Variants in PHLPP1 observed in about 807,000 individuals in gnomAD.
PHLPP1 encodes PH domain and leucine rich repeat protein phosphatase 1, also known as PH domain leucine-rich repeat-containing protein phosphatase 1.
PHLPP1 carries 42 observed loss-of-function variants against 117.2 expected under a neutral mutation model. The observed-to-expected ratio is 0.36, with a 90% CI of 0.28 to 0.46. The LOEUF (loss-of-function observed/expected upper bound fraction) is 0.46. PHLPP1 is among the 20% of genes least tolerant of loss of function. The probability of loss-of-function intolerance (pLI) is 1.00; values close to 1 mark genes in which losing one functional copy is unlikely to be tolerated. For missense variants in PHLPP1, 2,084 were observed against 2,241.9 expected (o/e 0.93, Z 1.42); for synonymous variants, 1,042 against 970.7 (o/e 1.07, Z -1.37).
At chr18:62,887,109 A>G (rs1298742490) in intron 4 of PHLPP1, among the ~76,000 whole-genome samples, 1 of 152,182 alleles carries the variant, frequency 6.6e-6, no homozygotes, top group Admixed American at 6.5e-5. Context: ...TGCTTTCCTG[A>G]GGCCATTCTT....
intron 3 of PHLPP1, among the ~76,000 whole-genome samples, chr18:62,852,429 C>T (rs912762019): frequency 3.3e-5 from 5 of 152,030 alleles, no homozygotes; most frequent in South Asian, 2.1e-4. Context: ...CTGCGAGCTC[C>T]GCCTCCTGGG....
intron 1 of PHLPP1, among the ~76,000 whole-genome samples, chr18:62,726,281 A>T (rs1441209829): frequency 5.3e-5 from 8 of 152,010 alleles, no homozygotes; most frequent in Non-Finnish European, 1.2e-4. Context: ...GTTGAACATT[A>T]ATTGGTAACT....
At chr18:62,741,700 A>C (rs112848864) in intron 1 of PHLPP1, among the ~76,000 whole-genome samples, 30 of 150,882 alleles carry the variant, frequency 2.0e-4, no homozygotes, top group African/African-American at 6.8e-4. Context: ...GTGTGCCACG[A>C]GGAAGAAATC....
intron 10 of PHLPP1, among the ~76,000 whole-genome samples, chr18:62,930,489 A>C (rs916029991): frequency 3.9e-5 from 6 of 152,206 alleles, no homozygotes; most frequent in African/African-American, 4.8e-5. Flanking sequence ...TTATATAATA[A>C]AGGGTTCGAT....
At chr18:62,929,854 C>T (rs1334113727) in intron 10 of PHLPP1, among the ~76,000 whole-genome samples, 9 of 152,148 alleles carry the variant, frequency 5.9e-5, no homozygotes, top group South Asian at 4.1e-4. Flanking sequence ...GAGGCTGAGG[C>T]AGGAGCCTCT....
chr18:62,978,346 G>T lies in PHLPP1; in HGVS notation c.4069G>T (p.Val1357Leu). The change falls in exon 17 of 17, where the codon GTG (valine) becomes TTG (leucine). Residue 1357 changes from valine to leucine, a missense_variant. Val to Leu is a conservative substitution (Grantham distance 32, BLOSUM62 1). Transcript: ENST00000262719. This position sits in a 1 kb window ranked among gnomAD's most constrained non-coding sequence, Gnocchi z 7.0. Reference sequence around the variant, plus strand: ...TCCCAGTGTGGTGCCTCGCCCCCACGTGCAGTCCGTGCTCCTGACTCCCCA... The same window carrying T: ...TCCCAGTGTGGTGCCTCGCCCCCACTTGCAGTCCGTGCTCCTGACTCCCCA... ...LHPSVVPRPH[V>L]QSVLLTPQDE... 1 of 1,612,798 alleles carries T rather than the reference G, an allele frequency of 6.2e-7. No homozygotes were observed. The highest frequency in any genetic ancestry group is 2.2e-5 in the East Asian group (1 of 44,848).
chr18:62,883,801 G>A (rs1298576078), intron 4 of PHLPP1, among the ~76,000 whole-genome samples: 1 of 152,132 alleles, frequency 6.6e-6, no homozygotes, highest in Admixed American at 6.6e-5. Context: ...GTTTAAGAGA[G>A]CACCCCATAA....
chr18:62,911,282 A>G, intron 8 of PHLPP1, among the ~76,000 whole-genome samples: 1 of 56,894 alleles, frequency 1.8e-5, no homozygotes, highest in Non-Finnish European at 4.0e-5. Flanking sequence ...AATGGCAACA[A>G]AAGCCAAAAT....
At position 62,815,910 on chromosome 18, in the gene PHLPP1, A is replaced by G. The variant is rs929530375; in HGVS notation, c.1577-14125A>G. Reference sequence around the variant, plus strand: ...ATTTATTTACAGTGTCAGAATTATGACATACCTGTAGTCTAAAACAGACAT... The same window carrying G: ...ATTTATTTACAGTGTCAGAATTATGGCATACCTGTAGTCTAAAACAGACAT... On this transcript the variant is annotated intron_variant, in intron 1 of 16. Coordinates refer to ENST00000262719, the MANE Select transcript of PHLPP1 (RefSeq NM_194449.4). 2.0e-5 allele frequency among the ~76,000 whole-genome samples: 3 copies of G among 152,234 alleles called. No homozygotes were observed. The East Asian group carries it at 5.8e-4, about 29-fold the overall frequency.
chr18:62,823,065 T>C (rs1914513185), intron 1 of PHLPP1, among the ~76,000 whole-genome samples: 1 of 152,232 alleles, frequency 6.6e-6, no homozygotes, highest in Admixed American at 6.5e-5. Context: ...GAATTAGAAC[T>C]ATAAAATTTC....
At chr18:62,757,619 ACT>A (rs796401991) in intron 1 of PHLPP1, among the ~76,000 whole-genome samples, 51 of 152,234 alleles carry the variant, frequency 3.4e-4, no homozygotes, top group African/African-American at 1.2e-3. Context: ...GTAGAGGTAG[ACT>A]CTGTCTATTA....
intron 1 of PHLPP1, among the ~76,000 whole-genome samples, chr18:62,755,245 C>G (rs545273015): frequency 2.0e-5 from 3 of 151,868 alleles, no homozygotes; most frequent in Non-Finnish European, 4.4e-5. Context: ...GTAACTAGCC[C>G]GGACGTCCAA....
chr18:62,746,697 G>C (rs994305048), intron 1 of PHLPP1, among the ~76,000 whole-genome samples: 1 of 149,308 alleles, frequency 6.7e-6, no homozygotes, highest in Admixed American at 6.7e-5. Context: ...TTTTTTTTAA[G>C]TTGTAAACCT....
intron 1 of PHLPP1, among the ~76,000 whole-genome samples, chr18:62,757,761 T>G (rs1341578262): frequency 1.3e-5 from 2 of 152,256 alleles, no homozygotes; most frequent in African/African-American, 4.8e-5. Context: ...GCCACCCTTG[T>G]GCTGTTTTCC....
At chr18:62,799,686 C>A (rs1190122348) in intron 1 of PHLPP1, among the ~76,000 whole-genome samples, 1 of 152,142 alleles carries the variant, frequency 6.6e-6, no homozygotes, top group Non-Finnish European at 1.5e-5. Flanking sequence ...ATTTATGATA[C>A]CCTTGTAGAA....
At chr18:62,742,876 C>T (rs981439033) in intron 1 of PHLPP1, among the ~76,000 whole-genome samples, 4 of 152,142 alleles carry the variant, frequency 2.6e-5, no homozygotes, top group Non-Finnish European at 4.4e-5. Context: ...TCCAGCTTCC[C>T]GTAACTCACC....
intron 1 of PHLPP1, among the ~76,000 whole-genome samples, chr18:62,788,406 C>G (rs1183383246): frequency 2.0e-5 from 3 of 152,216 alleles, no homozygotes; most frequent in Non-Finnish European, 2.9e-5. Flanking sequence ...TTACCAGGGA[C>G]AAGTTAGAAA....
chr18:62,817,572 TAA>T (rs557372487), intron 1 of PHLPP1, among the ~76,000 whole-genome samples: 1 of 147,764 alleles, frequency 6.8e-6, no homozygotes, highest in African/African-American at 2.5e-5. Context: ...CATACAGAAT[TAA>T]AAAAAAAACC....
intron 1 of PHLPP1, among the ~76,000 whole-genome samples, chr18:62,799,939 G>A (rs754893774): frequency 6.6e-6 from 1 of 152,176 alleles, no homozygotes; most frequent in Non-Finnish European, 1.5e-5. Context: ...ACAGGGTATT[G>A]GGGAACTGCA....
Sources: allele counts gnomAD v4.1 joint callset (sites outside exome capture counted in the v4.1 genomes callset), GRCh38; gene constraint gnomAD v4.1.1; non-coding constraint Gnocchi (gnomAD v3.1); transcripts MANE v1.5; gene names NCBI Gene and HGNC (gene_info 2026-07-23, HGNC 2026-07-21).